ZSWIM6: variants seen among roughly 807,000 people sequenced by gnomAD.
ZSWIM6 encodes the protein zinc finger SWIM-type containing 6, also known as zinc finger SWIM domain-containing protein 6.
ZSWIM6 carries 9 observed loss-of-function variants against 113.2 expected under a neutral mutation model. That is an observed-to-expected ratio of 0.08 (90% CI 0.05 to 0.14). The LOEUF is 0.14. ZSWIM6 is among the 10% of genes least tolerant of loss of function. The pLI is 1.00. For missense variants in ZSWIM6, 1,162 were observed against 1,552.2 expected (o/e 0.75, Z 4.22); for synonymous variants, 611 against 606.5 (o/e 1.01, Z -0.11).
intron 1 of ZSWIM6, among the ~76,000 whole-genome samples, chr5:61,404,476 C>G (rs1183474129): frequency 6.6e-6 from 1 of 152,192 alleles, no homozygotes; most frequent in Non-Finnish European, 1.5e-5. Context: ...AAGGCAAACT[C>G]CCATCCCTGT....
At chr5:61,391,609 G>T (rs2112092545) in intron 1 of ZSWIM6, 1 of 908,878 alleles carries the variant, frequency 1.1e-6, no homozygotes, top group Non-Finnish European at 1.9e-6. Context: ...GCCCACAATG[G>T]CCACAACCAC....
intron 1 of ZSWIM6, among the ~76,000 whole-genome samples, chr5:61,469,724 G>T (rs548247594): frequency 6.6e-6 from 1 of 151,744 alleles, no homozygotes; most frequent in African/African-American, 2.4e-5. Context: ...TTTTTAGACA[G>T]AGTCTCACTC....
At position 61,475,238 on chromosome 5, in the gene ZSWIM6, A is replaced by G. The variant is rs531350889; in HGVS notation, c.1033+2201A>G. Among the ~76,000 whole-genome samples the G allele has an allele frequency of 3.1e-4, 47 of 152,268 alleles. No individual in the cohort carries two copies. The South Asian group carries it at 9.3e-3, about 30-fold the overall frequency. On this transcript the variant is annotated intron_variant, in intron 2 of 13. Coordinates refer to ENST00000252744, the MANE Select transcript of ZSWIM6 (RefSeq NM_020928.2). The stretch of plus-strand genomic sequence containing the variant: ...TTTTCCTTAGGTCATGTAATCTGCT[A>G]GCATCACTTTGTTCTCTTGAGTTTT...
chr5:61,467,546 A>C (rs1003680360), intron 1 of ZSWIM6, among the ~76,000 whole-genome samples: 26 of 152,220 alleles, frequency 1.7e-4, no homozygotes, highest in African/African-American at 6.0e-4. Context: ...TATTTTTTAA[A>C]ATATTGATCT....
intron 2 of ZSWIM6, among the ~76,000 whole-genome samples, chr5:61,484,230 A>G (rs999410375): frequency 2.0e-5 from 3 of 152,214 alleles, no homozygotes; most frequent in South Asian, 2.1e-4. Flanking sequence ...GCCACAGCAG[A>G]CAACCCCCAT....
At chr5:61,505,739 CTCTCTCTCTCTT>C (rs1230759965) in intron 4 of ZSWIM6, among the ~76,000 whole-genome samples, 1 of 141,854 alleles carries the variant, frequency 7.0e-6, no homozygotes, top group African/African-American at 2.7e-5. Context: ...CTCTCTCTCT[CTCTCTCTCTCTT>C]TCTTTCTTTC....
chr5:61,539,881 G>T, intron 12 of ZSWIM6, 122 bp downstream of exon 12: 1 of 973,166 alleles, frequency 1.0e-6, no homozygotes, highest in Non-Finnish European at 1.5e-6. Context: ...GTACAAATCT[G>T]TTAGACTTCA....
At chr5:61,535,913 T>C (rs1170469963) in intron 10 of ZSWIM6, among the ~76,000 whole-genome samples, 1 of 152,232 alleles carries the variant, frequency 6.6e-6, no homozygotes, top group Non-Finnish European at 1.5e-5. Flanking sequence ...ACAGCAACAG[T>C]TGAAACCTTC....
At chr5:61,382,378 A>G (rs1186556281) in intron 1 of ZSWIM6, among the ~76,000 whole-genome samples, 1 of 152,150 alleles carries the variant, frequency 6.6e-6, no homozygotes, top group African/African-American at 2.4e-5. Context: ...ATGATGAGGG[A>G]CTCACCTAGA....
chr5:61,356,148 T>A (rs1744902891), intron 1 of ZSWIM6, among the ~76,000 whole-genome samples: 1 of 152,346 alleles, frequency 6.6e-6, no homozygotes, highest in African/African-American at 2.4e-5. Context: ...TTGTCCAAGC[T>A]GGAGTGCAGT....
chr5:61,541,833 T>C (rs1561286324), intron 12 of ZSWIM6, 51 bp from the exon 13 acceptor site: 1 of 1,471,190 alleles, frequency 6.8e-7, no homozygotes, highest in Non-Finnish European at 9.3e-7. Flanking sequence ...CCCTTTTTTT[T>C]CATTGACTCA....
intron 7 of ZSWIM6, among the ~76,000 whole-genome samples, chr5:61,527,322 T>C (rs1303972419): frequency 1.3e-5 from 2 of 152,218 alleles, no homozygotes; most frequent in Non-Finnish European, 2.9e-5. Flanking sequence ...GGGATAGTTT[T>C]AGTTGCTGGG....
intron 1 of ZSWIM6, among the ~76,000 whole-genome samples, chr5:61,386,762 T>A (rs558358076): frequency 6.6e-6 from 1 of 152,294 alleles, no homozygotes; most frequent in Non-Finnish European, 1.5e-5. Flanking sequence ...TTAAGAAAAA[T>A]AACCCAACAA....
intron 3 of ZSWIM6, among the ~76,000 whole-genome samples, chr5:61,493,837 G>A (rs1017411264): frequency 1.1e-4 from 17 of 151,964 alleles, no homozygotes; most frequent in Non-Finnish European, 2.4e-4. Flanking sequence ...AAGTGTACTT[G>A]GTTTAGATAA....
intron 1 of ZSWIM6, among the ~76,000 whole-genome samples, chr5:61,337,785 T>C (rs1473120139): frequency 6.6e-6 from 1 of 152,200 alleles, no homozygotes; most frequent in East Asian, 1.9e-4. Flanking sequence ...AGTATGGGTA[T>C]TTTTCGAGAA....
chr5:61,346,487 T>G (rs1246878477), intron 1 of ZSWIM6, among the ~76,000 whole-genome samples: 1 of 152,234 alleles, frequency 6.6e-6, no homozygotes, highest in Non-Finnish European at 1.5e-5. Flanking sequence ...TATGTGTATA[T>G]GTATAATTTA....
At chr5:61,465,004 G>A (rs1747404191) in intron 1 of ZSWIM6, among the ~76,000 whole-genome samples, 1 of 152,216 alleles carries the variant, frequency 6.6e-6, no homozygotes, top group Admixed American at 6.5e-5. Flanking sequence ...GCAGTGAACT[G>A]AGGTGGGGGC....
chr5:61,530,005 C>T, intron 7 of ZSWIM6, 47 bp from the exon 8 acceptor site: 2 of 1,470,758 alleles, frequency 1.4e-6, no homozygotes, highest in Non-Finnish European at 1.8e-6. Context: ...TCTTTCCCTT[C>T]ATCTCCCTTC....
chr5:61,332,915 G>A lies in ZSWIM6; in HGVS notation c.643G>A (p.Glu215Lys). Residue 215 changes from glutamate to lysine, a missense_variant, in exon 1 of 14, where the codon GAA becomes AAA. Physicochemically the swap from Glu to Lys is moderately conservative, Grantham distance 56 (BLOSUM62 1). Transcript: ENST00000252744. ...TTTCCGCCGGGGCATCGCGCTGTTGGAAAGCGGCTGCGTAGACAACGTCCT... is the reference window on the plus strand; with the variant it reads ...TTTCCGCCGGGGCATCGCGCTGTTGAAAAGCGGCTGCGTAGACAACGTCCT... ...LPFRRGIALL[E>K]SGCVDNVLQV... 7.3e-7 allele frequency: 1 copy of A among 1,362,392 alleles called. No individual in the cohort carries two copies. Among genetic ancestry groups the A allele is most frequent in the Non-Finnish European group, 9.6e-7 (1 of 1,045,978 alleles). 84.4% of individuals were successfully genotyped at this position (1,362,392 alleles called of 1,614,324 possible). A position where few individuals can be genotyped will look rare whatever the true frequency, so the allele number is the denominator to read the frequency against.
Sources: gnomAD v4.1 joint callset for allele counts (sites outside exome capture counted in the v4.1 genomes callset) on GRCh38, gnomAD v4.1.1 for gene constraint, MANE v1.5 for transcripts, NCBI Gene and HGNC (gene_info 2026-07-23, HGNC 2026-07-21) for gene names.